DOP1B: variants seen among roughly 807,000 people sequenced by gnomAD.
The protein encoded by DOP1B is protein DOP1B.
Under a neutral mutation model 233.5 loss-of-function variants are expected in DOP1B, and 174 were observed. The ratio of observed to expected loss-of-function variants is 0.75; its 90% CI spans 0.66 to 0.85. DOP1B has a LOEUF of 0.85. Among genes scored for constraint, DOP1B ranks in the 40% least tolerant of loss-of-function variants. The pLI is 0.00. For missense variants in DOP1B, 2,652 were observed against 2,846.6 expected (o/e 0.93, Z 1.56); for synonymous variants, 1,190 against 1,185.6 (o/e 1.00, Z -0.08).
chr21:36,289,819 A>C (rs2067536315), intron 35 of DOP1B, among the ~76,000 whole-genome samples: 2 of 152,212 alleles, frequency 1.3e-5, no homozygotes, highest in Non-Finnish European at 2.9e-5. Flanking sequence ...TATGATTCCA[A>C]CCATGTGACA....
rs2066459560 is a variant in DOP1B, at chr21:36,208,833, G to A, written c.610G>A (p.Val204Met). 1.2e-6 allele frequency: 2 copies of A among 1,600,088 alleles called. No homozygotes were observed. The highest frequency in any genetic ancestry group is 1.7e-6 in the Non-Finnish European group (2 of 1,173,372). Residue 204 changes from valine to methionine, a missense_variant, in exon 5 of 37, where the codon GTG (valine) becomes ATG (methionine). Coordinates refer to ENST00000691173, the MANE Select transcript of DOP1B (RefSeq NM_001320714.2). Reference sequence around the variant, plus strand: ...CCGCCTCCCTGCCTCAGTCTTCGTGGTGGGCCACATCAACAGGGATGCCCC... The same window carrying A: ...CCGCCTCCCTGCCTCAGTCTTCGTGATGGGCCACATCAACAGGGATGCCCC... ...SIRLPASVFV[V>M]GHINRDAPGR...
At chr21:36,201,934 C>T (rs2066372518) in intron 4 of DOP1B, among the ~76,000 whole-genome samples, 1 of 152,024 alleles carries the variant, frequency 6.6e-6, no homozygotes. Flanking sequence ...CCTGTAATCC[C>T]AGCACTTTGG....
At chr21:36,157,435 G>A (rs2065829822) in intron 1 of DOP1B, among the ~76,000 whole-genome samples, 1 of 152,204 alleles carries the variant, frequency 6.6e-6, no homozygotes, top group Admixed American at 6.5e-5. Context: ...CTTCCAGCCA[G>A]TCCCCAGGAG....
intron 35 of DOP1B, among the ~76,000 whole-genome samples, chr21:36,289,688 TTC>T (rs1439591262): frequency 1.3e-5 from 2 of 152,160 alleles, no homozygotes; most frequent in Non-Finnish European, 2.9e-5. Context: ...CAGAGGCTAT[TTC>T]TCTCTCTCCT....
At chr21:36,227,364 G>C (rs552478171) in intron 12 of DOP1B, among the ~76,000 whole-genome samples, 3 of 151,570 alleles carry the variant, frequency 2.0e-5, no homozygotes, top group South Asian at 4.2e-4. Context: ...TGGCTAACAC[G>C]GTGAAACCCC....
At chr21:36,229,725 G>C (rs2066736899) in intron 13 of DOP1B, among the ~76,000 whole-genome samples, 1 of 145,196 alleles carries the variant, frequency 6.9e-6, no homozygotes, top group Non-Finnish European at 1.5e-5. Context: ...GCAGTGGCAT[G>C]ATTTTGGCTC....
intron 2 of DOP1B, among the ~76,000 whole-genome samples, chr21:36,187,698 C>T (rs2066180120): frequency 6.6e-6 from 1 of 152,166 alleles, no homozygotes; most frequent in African/African-American, 2.4e-5. Context: ...GCCTTGACCT[C>T]CTAGTTCCAA....
At chr21:36,168,234 G>A (rs562787447) in intron 2 of DOP1B, among the ~76,000 whole-genome samples, 6 of 152,108 alleles carry the variant, frequency 3.9e-5, no homozygotes, top group Admixed American at 6.6e-5. Flanking sequence ...ATGAGCCACC[G>A]CGCCGAGCCA....
At chr21:36,269,177 C>T (rs114398170) in intron 26 of DOP1B, among the ~76,000 whole-genome samples, 10 of 152,220 alleles carry the variant, frequency 6.6e-5, no homozygotes, top group East Asian at 1.9e-4. Context: ...CTTTTTGAGA[C>T]GAAGTTTCGC....
At chr21:36,214,790 A>T (rs116402465) in intron 9 of DOP1B, among the ~76,000 whole-genome samples, 2 of 152,128 alleles carry the variant, frequency 1.3e-5, no homozygotes, top group Non-Finnish European at 2.9e-5. Context: ...TTTGGGAGGT[A>T]GAGGAAGGAA....
intron 26 of DOP1B, among the ~76,000 whole-genome samples, chr21:36,266,233 A>G (rs528863695): frequency 1.5e-4 from 23 of 152,208 alleles, no homozygotes; most frequent in Middle Eastern, 6.8e-3. Flanking sequence ...CTGGAGTGCA[A>G]TGGCACGATC....
At chr21:36,226,296 C>T (rs2066681554) in intron 12 of DOP1B, among the ~76,000 whole-genome samples, 1 of 137,728 alleles carries the variant, frequency 7.3e-6, no homozygotes, top group Non-Finnish European at 1.5e-5. Flanking sequence ...CTCTCTCTCT[C>T]TTTTTTTTTT....
rs760073596 is a variant in DOP1B, at chr21:36,230,431, ATCTT to A, written c.1666-17_1666-14del. The A allele has an allele frequency of 3.8e-6, 6 of 1,590,064 alleles. No homozygotes were observed. Among genetic ancestry groups the A allele is most frequent in the Non-Finnish European group, 5.2e-6 (6 of 1,164,430 alleles). ...TGGTGTTAAGAGATGCACAATTCACATCTTTTTATTTTTTACAGAGTCCAGTAAA... is the reference window on the plus strand; with the variant it reads ...TGGTGTTAAGAGATGCACAATTCACATTTATTTTTTACAGAGTCCAGTAAA... On this transcript the variant is annotated splice_polypyrimidine_tract_variant and intron_variant, in intron 13 of 36. Coordinates refer to ENST00000691173, the MANE Select transcript of DOP1B (RefSeq NM_001320714.2).
chr21:36,261,884 C>A, intron 24 of DOP1B: 2 of 840,200 alleles, frequency 2.4e-6, no homozygotes, highest in South Asian at 5.5e-5. Context: ...GCACTCCAGG[C>A]TGGGGGACAG....
At chr21:36,173,547 G>T (rs1177524703) in intron 2 of DOP1B, among the ~76,000 whole-genome samples, 1 of 150,676 alleles carries the variant, frequency 6.6e-6, no homozygotes, top group Admixed American at 6.7e-5. Context: ...TCAGCCTCCC[G>T]AGTAGCTGGG....
intron 2 of DOP1B, among the ~76,000 whole-genome samples, chr21:36,174,789 C>T (rs1187419726): frequency 1.2e-4 from 18 of 152,194 alleles, no homozygotes; most frequent in Admixed American, 8.5e-4. Flanking sequence ...CGTGAGCCAC[C>T]GTGCCTGGCC....
chr21:36,270,463 G>A (rs936041902), intron 27 of DOP1B, among the ~76,000 whole-genome samples: 9 of 138,916 alleles, frequency 6.5e-5, no homozygotes, highest in Non-Finnish European at 1.1e-4. Context: ...TGAGGCAGGA[G>A]AATCGCTTCA....
chr21:36,194,490 T>C (rs1227697909), intron 2 of DOP1B, among the ~76,000 whole-genome samples: 3 of 146,020 alleles, frequency 2.1e-5, no homozygotes, highest in South Asian at 2.2e-4. Flanking sequence ...TCTCTCTCTT[T>C]TTTTTTTTTT....
chr21:36,162,768 C>T, intron 1 of DOP1B, among the ~76,000 whole-genome samples: 1 of 152,050 alleles, frequency 6.6e-6, no homozygotes, highest in East Asian at 1.9e-4. Flanking sequence ...TGGTCTCAAA[C>T]ATCTGACCTC....
Sources: allele counts gnomAD v4.1 joint callset (sites outside exome capture counted in the v4.1 genomes callset), GRCh38; gene constraint gnomAD v4.1.1; transcripts MANE v1.5; gene names NCBI Gene and HGNC (gene_info 2026-07-23, HGNC 2026-07-21).